The following NLRP1 variants were observed in gnomAD, a reference collection of about 807,000 sequenced individuals.
The protein encoded by NLRP1 is NLR family pyrin domain containing 1.
In NLRP1, 94 loss-of-function variants were observed where a neutral mutation model predicts 136.7. The ratio of observed to expected loss-of-function variants is 0.69; its 90% CI spans 0.58 to 0.82. The LOEUF (loss-of-function observed/expected upper bound fraction) is 0.82, where lower values mean the gene tolerates loss of function less well. Ranked by LOEUF, NLRP1 falls within the 40% of genes least tolerant of loss-of-function variation. The pLI, the probability that NLRP1 is intolerant of heterozygous loss-of-function variation, is 0.00. For missense variants in NLRP1, 1,575 were observed against 1,802.7 expected (o/e 0.87, Z 2.29); for synonymous variants, 690 against 725.1 (o/e 0.95, Z 0.78).
At chr17:5,517,634 C>A in intron 15 of NLRP1, 112 bp downstream of exon 15, 1 of 1,225,886 alleles carries the variant, frequency 8.2e-7, no homozygotes, top group Non-Finnish European at 1.2e-6. Context: ...GATCTGCCTG[C>A]CTCGGCCTCC....
Position 5,514,775 on chromosome 17 carries a change from TC to T in NLRP1, c.4400del (p.Gly1467AspfsTer17). The T allele has an allele frequency of 6.2e-7, 1 of 1,613,420 alleles. No individual in the cohort carries two copies. The highest frequency in any genetic ancestry group is 8.5e-7 in the Non-Finnish European group (1 of 1,179,832). ...MELWEKGSKKGLLPLSS is the reference protein window; with the variant it reads ...MELWEKGSKKXLLPLSS ...TACTTCAGCTGCTGAGTGGCAGGAG[TC>T]CCTTTTTGCTGCCCTTCTCCCAGAG... On this transcript the variant is annotated frameshift_variant, in exon 17 of 17. Coordinates refer to ENST00000572272, the MANE Select transcript of NLRP1 (RefSeq NM_033004.4). LOFTEE classifies it low-confidence loss of function (END_TRUNC).
chr17:5,541,765 C>A lies in NLRP1; in HGVS notation c.2699+92G>T. On this transcript the variant is annotated intron_variant, in intron 6 of 16. Transcript: ENST00000572272. The surrounding 1 kb of genome is among the most constrained non-coding windows in gnomAD (Gnocchi z 4.2). ...GTAGGCTCCTCCCACTCCCACAAAGCAGGTCTCACCTTCTCTCTGCTCTTA... is the reference window on the plus strand; with the variant it reads ...GTAGGCTCCTCCCACTCCCACAAAGAAGGTCTCACCTTCTCTCTGCTCTTA... The A allele has an allele frequency of 1.5e-5, 19 of 1,298,908 alleles. No individual in the cohort carries two copies. The highest frequency in any genetic ancestry group is 2.0e-5 in the Non-Finnish European group (18 of 919,200). 80.5% of individuals were successfully genotyped at this position (1,298,908 alleles called of 1,614,324 possible).
rs776723308 is a variant in NLRP1 at position 5,559,358 on chromosome 17, T to C, written c.1338A>G (p.Lys446=). 1.9e-6 allele frequency: 3 copies of C among 1,613,812 alleles called. No homozygotes were observed. In the African/African-American group the frequency reaches 4.0e-5, roughly 22 times the overall value. ...ADALLGSLLG[K]TILPEASFLI... ...GGAAGGATGCCTCGGGAAGTATAGT[T>C]TTCCCCAGCAAACTGCCCAGCAGTG... is the stretch of plus-strand genomic sequence containing the variant. The change falls in exon 4 of 17, where the codon AAA becomes AAG. Residue 446 remains lysine (K), a synonymous_variant. Transcript: ENST00000572272.
chr17:5,565,500 T>C (rs1184095037), intron 3 of NLRP1, among the ~76,000 whole-genome samples: 1 of 152,208 alleles, frequency 6.6e-6, no homozygotes, highest in African/African-American at 2.4e-5. Flanking sequence ...ATGATCTTGT[T>C]TGTCCATGTT....
intron 5 of NLRP1, among the ~76,000 whole-genome samples, chr17:5,544,024 A>C (rs1292618157): frequency 6.6e-6 from 1 of 151,964 alleles, no homozygotes; most frequent in East Asian, 1.9e-4. Context: ...ATTTCTTAAT[A>C]ATTTTGTCTT....
At position 5,521,746 on chromosome 17, in the gene NLRP1, A is replaced by G; in HGVS notation, c.3561T>C (p.Phe1187=). 5 of 1,612,634 alleles carry G rather than the reference A, an allele frequency of 3.1e-6. No individual in the cohort carries two copies. In the South Asian group the frequency reaches 5.5e-5, roughly 18 times the overall value. The change falls in exon 13 of 17, where the codon TTT becomes TTC. Residue 1187 remains phenylalanine (F), a synonymous_variant. Transcript: ENST00000572272. ...VDTSLFQMAH[F]KEEGMLLEKP... is the part of the protein sequence containing the mutation. ...TCTCCAGGAGCATCCCCTCCTCTTT[A>G]AAGTGGGCCATTTGGAACAGGGATG...
chr17:5,518,576 T>C (rs1272197171), intron 14 of NLRP1: 2 of 151,558 alleles, frequency 1.3e-5, no homozygotes, highest in African/African-American at 4.8e-5. Context: ...TGTTTCTTTT[T>C]TTTTTTTTTT....
intron 3 of NLRP1, among the ~76,000 whole-genome samples, chr17:5,580,285 A>AAAACAG (rs756058521): frequency 3.9e-5 from 6 of 152,014 alleles, no homozygotes; most frequent in Non-Finnish European, 7.4e-5. Flanking sequence ...AACAAAAACA[A>AAAACAG]AAACAAACAA....
At position 5,514,746 on chromosome 17, in the gene NLRP1, T is replaced by A. The variant is rs761461205; in HGVS notation, c.*8A>T. On this transcript the variant is annotated 3_prime_UTR_variant, in exon 17 of 17. Coordinates refer to ENST00000572272, the MANE Select transcript of NLRP1 (RefSeq NM_033004.4). ...AGGACTCAAGGGTCAAGGGCTGGTG[T>A]TGATACTTCAGCTGCTGAGTGGCAG... 9.3e-6 allele frequency: 15 copies of A among 1,613,758 alleles called. No individual in the cohort carries two copies. In the South Asian group the frequency reaches 1.6e-4, roughly 18 times the overall value.
At chr17:5,515,441 G>A (rs1236167828) in intron 16 of NLRP1, 32 bp downstream of exon 16, 13 of 1,584,276 alleles carry the variant, frequency 8.2e-6, no homozygotes, top group East Asian at 4.5e-5. Context: ...AACTGCCACC[G>A]CCTCCTGTGG....
downstream of NLRP1, chr17:5,512,045 A>T: frequency 1.5e-6 from 1 of 657,012 alleles, no homozygotes. Flanking sequence ...TGTTATCAAA[A>T]ATTAACACCT....
Position 5,514,447 on chromosome 17 carries a change from T to A in NLRP1, c.*307A>T. 2 of 1,220,282 alleles carry A rather than the reference T, an allele frequency of 1.6e-6. No homozygotes were observed. Among genetic ancestry groups the A allele is most frequent in the Non-Finnish European group, 2.1e-6 (2 of 968,560 alleles). 75.6% of individuals were successfully genotyped at this position (1,220,282 alleles called of 1,614,324 possible). A position where few individuals can be genotyped will look rare whatever the true frequency, so the allele number is the denominator to read the frequency against. On this transcript the variant is annotated 3_prime_UTR_variant, in exon 17 of 17. Transcript: ENST00000572272. ...TGTCCCTCCTATTCCTCTTTGCGCC[T>A]GGATGGGATCCGGAGGGCTCTAGGC...
At position 5,584,346 on chromosome 17, in the gene NLRP1, A is replaced by T; in HGVS notation, c.-389T>A. The T allele has an allele frequency of 4.3e-6, 1 of 231,260 alleles. No homozygotes were observed. 14.3% of individuals were successfully genotyped at this position (231,260 alleles called of 1,614,324 possible). ...TCCTGGGTCCTGGACTCCTGAGATC[A>T]ACCCTTGAGCTGCAAGGCTGAGAAG... is the stretch of plus-strand genomic sequence containing the variant. On this transcript the variant is annotated 5_prime_UTR_variant, in exon 1 of 17. Transcript: ENST00000572272.
At chr17:5,513,416 T>G (rs548751750), downstream of NLRP1, among the ~76,000 whole-genome samples, 1 of 152,360 alleles carries the variant, frequency 6.6e-6, no homozygotes, top group South Asian at 2.1e-4. Context: ...AAAACTGGGC[T>G]TAAGTATTTT....
chr17:5,539,930 G>A (rs953573030), intron 6 of NLRP1, among the ~76,000 whole-genome samples: 4 of 152,052 alleles, frequency 2.6e-5, no homozygotes, highest in African/African-American at 7.3e-5. Flanking sequence ...CTTTTGAGAC[G>A]AGTTCTCACT....
chr17:5,519,699 T>C (rs184920803), intron 14 of NLRP1, among the ~76,000 whole-genome samples: 120 of 150,810 alleles, frequency 8.0e-4, no homozygotes, highest in African/African-American at 2.8e-3. Flanking sequence ...CCACCCGCCT[T>C]GGTCTCCCAA....
chr17:5,536,161 C>G (rs117002532), intron 8 of NLRP1, among the ~76,000 whole-genome samples: 7,029 of 149,368 alleles, frequency 0.047, 185 homozygotes, highest in Middle Eastern at 0.084. Flanking sequence ...TTTTTTTTTT[C>G]TTTTTGAGAT....
intron 3 of NLRP1, among the ~76,000 whole-genome samples, chr17:5,579,608 G>T (rs116707403): frequency 0.018 from 2,700 of 152,204 alleles, 73 homozygotes; most frequent in African/African-American, 0.062. Flanking sequence ...GGAATGTAGA[G>T]CATTCTACCA....
chr17:5,520,997 C>T lies in NLRP1; in HGVS notation c.3799G>A (p.Glu1267Lys). 6.2e-7 allele frequency: 1 copy of T among 1,609,214 alleles called. No homozygotes were observed. Among genetic ancestry groups the T allele is most frequent in the East Asian group, 2.2e-5 (1 of 44,858 alleles). Residue 1267 changes from glutamate (E) to lysine (K), a missense_variant, in exon 14 of 17, where the codon GAA becomes AAA. Coordinates refer to ENST00000572272, the MANE Select transcript of NLRP1 (RefSeq NM_033004.4). ...CSIRKAIDDL[E>K]MKFQFVRIHK... is the part of the protein sequence containing the mutation. ...ATTCGCACAAACTGGAATTTCATTT[C>T]TAGATCATCTATGGCCTACAGAACA...
Sources: gnomAD v4.1 joint callset for allele counts (sites outside exome capture counted in the v4.1 genomes callset) on GRCh38, gnomAD v4.1.1 for gene constraint, Gnocchi (gnomAD v3.1) non-coding constraint, MANE v1.5 for transcripts, NCBI Gene and HGNC (gene_info 2026-07-23, HGNC 2026-07-21) for gene names.